Variants in UCN3 observed in about 807,000 individuals in gnomAD.
The protein encoded by UCN3 is urocortin 3.
UCN3 carries 3 observed loss-of-function variants against 3.6 expected under a neutral mutation model. That is an observed-to-expected ratio of 0.83 (90% confidence interval 0.38 to 2.15). The LOEUF (loss-of-function observed/expected upper bound fraction) is 2.15, where lower values mean the gene tolerates loss of function less well. Among genes scored for constraint, UCN3 ranks in the 30% most tolerant of loss-of-function variants. The probability of loss-of-function intolerance (pLI) is 0.06; values close to 1 mark genes in which losing one functional copy is unlikely to be tolerated. For missense variants in UCN3, 206 were observed against 208.3 expected (o/e 0.99, Z 0.07); for synonymous variants, 100 against 93.2 (o/e 1.07, Z -0.42).
In UCN3 at chr10:5,374,283, A is replaced by AGGGCGGGG. The variant is rs1831474913; in HGVS notation, c.*80_*81insCGGGGGGG. ...GAGGGGAGGGCGAGGGGGGGAGGGG[A>AGGGCGGGG]GGGGGAGGGTGCTGTCTGCTGGTTT... On this transcript the variant is annotated 3_prime_UTR_variant, in exon 2 of 2. Transcript: ENST00000380433. 1 of 48,914 alleles carries AGGGCGGGG rather than the reference A, an allele frequency of 2.0e-5. No individual in the cohort carries two copies. The highest frequency in any genetic ancestry group is 1.5e-4 in the African/African-American group (1 of 6,474). 3.0% of individuals were successfully genotyped at this position (48,914 alleles called of 1,614,324 possible).
chr10:5,365,636 C>G lies in UCN3; in HGVS notation c.-7+406C>G, dbSNP rs1296345122. Among the ~76,000 whole-genome samples, 1 of 152,194 alleles carries G rather than the reference C, an allele frequency of 6.6e-6. No homozygotes were observed. The highest frequency in any genetic ancestry group is 1.5e-5 in the Non-Finnish European group (1 of 68,030). Reference sequence around the variant, plus strand: ...AGCCACAGGACATGACTCCACGCCGCCTGCAAAGCAGCGAGGACACCTGCA... The same window carrying G: ...AGCCACAGGACATGACTCCACGCCGGCTGCAAAGCAGCGAGGACACCTGCA... On this transcript the variant is annotated intron_variant, in intron 1 of 1. Coordinates refer to ENST00000380433, the MANE Select transcript of UCN3 (RefSeq NM_053049.4). This position sits in a 1 kb window ranked among gnomAD's most constrained non-coding sequence, Gnocchi z 4.4.
In UCN3 at chr10:5,373,839, T is replaced by C. The variant is rs1831462723; in HGVS notation, c.119T>C (p.Leu40Pro). 1 of 1,613,998 alleles carries C rather than the reference T, an allele frequency of 6.2e-7. No homozygotes were observed. Among genetic ancestry groups the C allele is most frequent in the Non-Finnish European group, 8.5e-7 (1 of 1,179,956 alleles). Reference protein sequence around the residue: ...KPIFSCLNTALSEAEKGQWED... With the variant: ...KPIFSCLNTAPSEAEKGQWED... ...ATCTTCAGCTGCCTCAACACCGCCC[T>C]GTCTGAGGCTGAGAAGGGCCAGTGG... Residue 40 changes from leucine (L) to proline (P), a missense_variant, in exon 2 of 2, where the codon CTG (leucine) becomes CCG (proline). Leu to Pro is a moderately conservative substitution (Grantham distance 98, BLOSUM62 -3). Coordinates refer to ENST00000380433, the MANE Select transcript of UCN3 (RefSeq NM_053049.4).
chr10:5,366,034 T>C lies in UCN3; in HGVS notation c.-7+804T>C, dbSNP rs1834114570. ...TGTGAGATTTTTAAAACGTTTTAAG[T>C]GGTCTAGTTTCAGTTTAACTTCTTA... On this transcript the variant is annotated intron_variant, in intron 1 of 1. Coordinates refer to ENST00000380433, the MANE Select transcript of UCN3 (RefSeq NM_053049.4). This position sits in a 1 kb window ranked among gnomAD's most constrained non-coding sequence, Gnocchi z 4.2. Among the ~76,000 whole-genome samples the C allele has an allele frequency of 6.6e-6, 1 of 152,210 alleles. No homozygotes were observed. The highest frequency in any genetic ancestry group is 2.4e-5 in the African/African-American group (1 of 41,436).
intron 1 of UCN3, among the ~76,000 whole-genome samples, chr10:5,370,367 G>A (rs1831358601): frequency 3.5e-5 from 1 of 28,948 alleles, no homozygotes; most frequent in Non-Finnish European, 6.8e-5. Context: ...GTGTATATGC[G>A]TGTGTATATG....
chr10:5,373,212 C>G (rs1831453974), intron 1 of UCN3, among the ~76,000 whole-genome samples: 1 of 152,180 alleles, frequency 6.6e-6, no homozygotes, highest in Non-Finnish European at 1.5e-5. Flanking sequence ...AAAGATCTGA[C>G]TTAGAAACAT....
intron 1 of UCN3, among the ~76,000 whole-genome samples, chr10:5,371,245 T>A (rs1249585853): frequency 1.3e-5 from 2 of 151,006 alleles, no homozygotes; most frequent in East Asian, 3.9e-4. Context: ...CATGTCTATA[T>A]GTATGTGTGA....
Position 5,370,881 on chromosome 10 carries a change from A to ATGTGTGTATGTGCGTGTGTATG in UCN3, c.-6-2832_-6-2831insTGTGTATGTGCGTGTGTATGTG, listed in dbSNP as rs1564443751. Reference sequence around the variant, plus strand: ...TGTGTGCGTGTGTATGTGTGTGTATATGCGTGTGTATATGCGTGTGTATAT... The same window carrying ATGTGTGTATGTGCGTGTGTATG: ...TGTGTGCGTGTGTATGTGTGTGTATATGTGTGTATGTGCGTGTGTATGTGCGTGTGTATATGCGTGTGTATAT... On this transcript the variant is annotated intron_variant, in intron 1 of 1. Transcript: ENST00000380433. Among the ~76,000 whole-genome samples the ATGTGTGTATGTGCGTGTGTATG allele has an allele frequency of 3.1e-4, 25 of 80,558 alleles. 4 individuals are homozygous for ATGTGTGTATGTGCGTGTGTATG. The highest frequency in any genetic ancestry group is 1.3e-3 in the African/African-American group (25 of 19,072). The allele number at this position is 80,558 out of a possible 152,430, so 52.8% of individuals were successfully genotyped here. A position where few individuals can be genotyped will look rare whatever the true frequency, so the allele number is the denominator to read the frequency against.
intron 1 of UCN3, among the ~76,000 whole-genome samples, chr10:5,368,503 G>A (rs1194066427): frequency 6.6e-6 from 1 of 152,176 alleles, no homozygotes; most frequent in African/African-American, 2.4e-5. Flanking sequence ...GGTCCTGGGC[G>A]GTTAGGCATG....
At position 5,370,009 on chromosome 10, in the gene UCN3, GTGTGTGTATA is replaced by G. The variant is rs1564442225; in HGVS notation, c.-6-3698_-6-3689del. Among the ~76,000 whole-genome samples, 16 of 69,880 alleles carry G rather than the reference GTGTGTGTATA, an allele frequency of 2.3e-4. 1 individual carries two copies. The highest frequency in any genetic ancestry group is 2.8e-4 in the Non-Finnish European group (9 of 32,262). 45.8% of individuals were successfully genotyped at this position (69,880 alleles called of 152,430 possible). A position where few individuals can be genotyped will look rare whatever the true frequency, so the allele number is the denominator to read the frequency against. On this transcript the variant is annotated intron_variant, in intron 1 of 1. Coordinates refer to ENST00000380433, the MANE Select transcript of UCN3 (RefSeq NM_053049.4). ...TATATGTGTGTATGTGTGTGTGTAT[GTGTGTGTATA>G]TGTGTGTGTATATGCGTGTGTATAT...
In UCN3 at chr10:5,370,814, C is replaced by CGT. The variant is rs1334754521; in HGVS notation, c.-6-2893_-6-2892dup. 2.0e-3 allele frequency among the ~76,000 whole-genome samples: 102 copies of CGT among 51,994 alleles called. 10 individuals are homozygous for CGT. Among genetic ancestry groups the CGT allele is most frequent in the African/African-American group, 7.1e-3 (86 of 12,174 alleles). The allele number at this position is 51,994 out of a possible 152,430, so 34.1% of individuals were successfully genotyped here. ...GTATGCGTGTGTATATGTGTGTGTGCGTGTGTGTGCGCGCGTGTGTGTGCG... is the reference window on the plus strand; with the variant it reads ...GTATGCGTGTGTATATGTGTGTGTGCGTGTGTGTGTGCGCGCGTGTGTGTGCG... On this transcript the variant is annotated intron_variant, in intron 1 of 1. Coordinates refer to ENST00000380433, the MANE Select transcript of UCN3 (RefSeq NM_053049.4).
chr10:5,373,779 C>T lies in UCN3; in HGVS notation c.59C>T (p.Thr20Ile), dbSNP rs781942425. The T allele has an allele frequency of 6.8e-6, 11 of 1,613,872 alleles. No homozygotes were observed. In the Admixed American group the frequency reaches 8.3e-5, roughly 12 times the overall value. ...LLLLLLGGPR[T>I]GLPHKFYKAK... ...CTGCTGCTCCTGGGGGGCCCCAGGA[C>T]AGGCCTCCCCCACAAGTTCTACAAA... Residue 20 changes from threonine (T) to isoleucine (I), a missense_variant, in exon 2 of 2, where the codon ACA (threonine) becomes ATA (isoleucine). Coordinates refer to ENST00000380433, the MANE Select transcript of UCN3 (RefSeq NM_053049.4).
Position 5,370,121 on chromosome 10 carries a change from A to G in UCN3, c.-6-3594A>G, listed in dbSNP as rs797036567. ...TATATGCGTGTGTATATGTGTGTGT[A>G]TGTGTGTGTATGTGTGTGTATGCGT... On this transcript the variant is annotated intron_variant, in intron 1 of 1. Transcript: ENST00000380433. 5.0e-4 allele frequency among the ~76,000 whole-genome samples: 23 copies of G among 46,070 alleles called. 1 individual carries two copies. The highest frequency in any genetic ancestry group is 1.1e-3 in the South Asian group (1 of 878). The allele number at this position is 46,070 out of a possible 152,430, so 30.2% of individuals were successfully genotyped here. A position where few individuals can be genotyped will look rare whatever the true frequency, so the allele number is the denominator to read the frequency against.
rs527870323 is a variant in UCN3, at chr10:5,374,245, G to C, written c.*39G>C. ...ACGGGAGGGCAGCGGGGTGGGGAGGGGGAGGGGAGGGGGAGGGGAGGGCGA... is the reference window on the plus strand; with the variant it reads ...ACGGGAGGGCAGCGGGGTGGGGAGGCGGAGGGGAGGGGGAGGGGAGGGCGA... On this transcript the variant is annotated 3_prime_UTR_variant, in exon 2 of 2. Coordinates refer to ENST00000380433, the MANE Select transcript of UCN3 (RefSeq NM_053049.4). 517 of 535,546 alleles carry C rather than the reference G, an allele frequency of 9.7e-4. 3 individuals carry two copies. Among genetic ancestry groups the C allele is most frequent in the Non-Finnish European group, 1.4e-3 (437 of 301,550 alleles). The allele number at this position is 535,546 out of a possible 1,614,324, so 33.2% of individuals were successfully genotyped here. A position where few individuals can be genotyped will look rare whatever the true frequency, so the allele number is the denominator to read the frequency against.
intron 1 of UCN3, among the ~76,000 whole-genome samples, chr10:5,372,471 T>C (rs1199989175): frequency 6.6e-6 from 1 of 152,224 alleles, no homozygotes; most frequent in Non-Finnish European, 1.5e-5. Flanking sequence ...GCTTAAAGCC[T>C]GAACAGTCCA....
At chr10:5,372,843 C>G (rs1831449093) in intron 1 of UCN3, among the ~76,000 whole-genome samples, 1 of 151,870 alleles carries the variant, frequency 6.6e-6, no homozygotes, top group African/African-American at 2.4e-5. Context: ...GTGTGAGCCA[C>G]CGTGCCTGGC....
intron 1 of UCN3, among the ~76,000 whole-genome samples, chr10:5,370,665 ATG>A (rs369776084): frequency 0.42 from 28,521 of 68,350 alleles, 7,394 homozygotes; most frequent in African/African-American, 0.52. Flanking sequence ...ATGTGTGTGT[ATG>A]TGTGTGTATG....
rs151051642 is a variant in UCN3, at chr10:5,367,223, G to A, written c.-7+1993G>A. On this transcript the variant is annotated intron_variant, in intron 1 of 1. Coordinates refer to ENST00000380433, the MANE Select transcript of UCN3 (RefSeq NM_053049.4). The surrounding 1 kb of genome is among the most constrained non-coding windows in gnomAD (Gnocchi z 4.3). ...CTTTTTCACAGGAAAATTGCAGAAA[G>A]TTACTTAGACGAGGCTGTTTCATGT... Among the ~76,000 whole-genome samples the A allele has an allele frequency of 2.0e-4, 30 of 152,260 alleles. No individual in the cohort carries two copies. Among genetic ancestry groups the A allele is most frequent in the African/African-American group, 5.3e-4 (22 of 41,542 alleles).
chr10:5,367,749 G>C lies in UCN3; in HGVS notation c.-7+2519G>C, dbSNP rs1473542535. On this transcript the variant is annotated intron_variant, in intron 1 of 1. Coordinates refer to ENST00000380433, the MANE Select transcript of UCN3 (RefSeq NM_053049.4). This position sits in a 1 kb window ranked among gnomAD's most constrained non-coding sequence, Gnocchi z 4.3. ...CCCAAGATGGGCTTGAACTCAGAAA[G>C]TAGTCTGAGTTCTCAGTAATATTTG... 6.6e-6 allele frequency among the ~76,000 whole-genome samples: 1 copy of C among 152,232 alleles called. No individual in the cohort carries two copies. The highest frequency in any genetic ancestry group is 2.4e-5 in the African/African-American group (1 of 41,452).
chr10:5,370,486 T>G, intron 1 of UCN3, among the ~76,000 whole-genome samples: 1 of 114,576 alleles, frequency 8.7e-6, no homozygotes, highest in Non-Finnish European at 1.8e-5. Context: ...TGTATATGTG[T>G]GTATGTGTGT....
Sources: gnomAD v4.1 joint callset for allele counts (sites outside exome capture counted in the v4.1 genomes callset) on GRCh38, gnomAD v4.1.1 for gene constraint, Gnocchi (gnomAD v3.1) non-coding constraint, MANE v1.5 for transcripts, NCBI Gene and HGNC (gene_info 2026-07-23, HGNC 2026-07-21) for gene names.